TAS1R1: variants seen among roughly 807,000 people sequenced by gnomAD.
The protein encoded by TAS1R1 is taste 1 receptor member 1.
A neutral mutation model predicts 45.8 loss-of-function variants in TAS1R1; 31 were observed. The observed-to-expected ratio is 0.68, with a 90% CI of 0.51 to 0.91. TAS1R1 has a LOEUF of 0.91. Ranked by LOEUF, TAS1R1 falls within the 40% of genes least tolerant of loss-of-function variation. The pLI is 0.00. For synonymous variants in TAS1R1, 437 were observed against 448.4 expected (o/e 0.97, Z 0.32); for missense variants, 1,051 against 1,063.9 (o/e 0.99, Z 0.17).
intron 1 of TAS1R1, among the ~76,000 whole-genome samples, chr1:6,569,648 C>T (rs544568010): frequency 1.4e-4 from 22 of 152,138 alleles, no homozygotes; most frequent in Admixed American, 6.5e-4. Flanking sequence ...GAGAGACTGC[C>T]GGTCAACAAG....
intron 1 of TAS1R1, among the ~76,000 whole-genome samples, chr1:6,562,565 A>G (rs558461504): frequency 6.6e-5 from 10 of 151,926 alleles, no homozygotes; most frequent in Middle Eastern, 3.4e-3. Flanking sequence ...CTCTCCCAAC[A>G]CTCAGCTTTT....
chr1:6,565,031 T>C (rs1339686105), intron 1 of TAS1R1, among the ~76,000 whole-genome samples: 1 of 151,470 alleles, frequency 6.6e-6, no homozygotes, highest in East Asian at 1.9e-4. Context: ...AAGGAGTAGG[T>C]ACAGGGGGCA....
At chr1:6,572,711 C>G (rs772172144) in intron 2 of TAS1R1, among the ~76,000 whole-genome samples, 1 of 152,042 alleles carries the variant, frequency 6.6e-6, no homozygotes, top group Non-Finnish European at 1.5e-5. Flanking sequence ...GAGCAGGCTT[C>G]GCCCTCCTCT....
chr1:6,575,176 C>T lies in TAS1R1; in HGVS notation c.1044C>T (p.Ala348=), dbSNP rs766039673. The part of the protein sequence containing the change: ...EEAYARADKK[A]PRPCHKGSWC... ...CCTATGCCCGGGCAGACAAGAAGGCCCCTAGGCCTTGCCACAAGGGCTCCT... is the reference window on the plus strand; with the variant it reads ...CCTATGCCCGGGCAGACAAGAAGGCTCCTAGGCCTTGCCACAAGGGCTCCT... Residue 348 remains alanine, a synonymous_variant, in exon 3 of 6, where the codon GCC becomes GCT. Transcript: ENST00000333172. 1.1e-5 allele frequency: 17 copies of T among 1,607,258 alleles called. No individual in the cohort carries two copies. Among genetic ancestry groups the T allele is most frequent in the Non-Finnish European group, 1.4e-5 (16 of 1,176,754 alleles).
chr1:6,574,835 CAG>C lies in TAS1R1; in HGVS notation c.704_705del (p.Gln235ArgfsTer19), dbSNP rs769157388. On this transcript the variant is annotated frameshift_variant, in exon 3 of 6. Transcript: ENST00000333172. LOFTEE classifies it high-confidence loss of function. This position sits in a 1 kb window ranked among gnomAD's most constrained non-coding sequence, Gnocchi z 4.3. ...GGCACTGGAGAACCAGGCCACTGGTCAGGGGATCTGCATTGCTTTCAAGGACA... is the reference window on the plus strand; with the variant it reads ...GGCACTGGAGAACCAGGCCACTGGTCGGGATCTGCATTGCTTTCAAGGACA... ...VQALENQATG[Q>X]GICIAFKDIM... 131 of 1,614,124 alleles carry C rather than the reference CAG, an allele frequency of 8.1e-5. No homozygotes were observed. The highest frequency in any genetic ancestry group is 1.0e-4 in the Non-Finnish European group (119 of 1,180,054).
At chr1:6,570,813 G>A (rs1485914857) in intron 1 of TAS1R1, 96 bp from the exon 2 acceptor site, 1 of 1,179,482 alleles carries the variant, frequency 8.5e-7, no homozygotes, top group East Asian at 2.4e-5. Context: ...TGACCTCAAA[G>A]GTTCCCTTTG....
intron 1 of TAS1R1, among the ~76,000 whole-genome samples, chr1:6,563,727 G>A (rs533523996): frequency 2.0e-5 from 3 of 152,216 alleles, no homozygotes; most frequent in Admixed American, 6.5e-5. Context: ...GTGTGGCTAC[G>A]TGGGGCAGCC....
At chr1:6,559,059 T>C (rs968468988) in intron 1 of TAS1R1, among the ~76,000 whole-genome samples, 1 of 152,010 alleles carries the variant, frequency 6.6e-6, no homozygotes, top group African/African-American at 2.4e-5. Flanking sequence ...GCCCAGCTAA[T>C]TCTTTGTATT....
chr1:6,576,792 G>A (rs887448778), intron 4 of TAS1R1, among the ~76,000 whole-genome samples, 158 bp from the exon 5 acceptor site: 2 of 152,260 alleles, frequency 1.3e-5, no homozygotes, highest in African/African-American at 2.4e-5. Context: ...CTCCGTAGGC[G>A]AGTGTGCAGA....
chr1:6,565,859 C>A (rs1392974856), intron 1 of TAS1R1, among the ~76,000 whole-genome samples: 1 of 152,062 alleles, frequency 6.6e-6, no homozygotes, highest in Non-Finnish European at 1.5e-5. Context: ...TCTGAAGAAG[C>A]CTGCATTCCT....
In TAS1R1 at chr1:6,555,493, G is replaced by C; in HGVS notation, c.120G>C (p.Leu40=). The C allele has an allele frequency of 6.4e-7, 1 of 1,573,916 alleles. No individual in the cohort carries two copies. The highest frequency in any genetic ancestry group is 8.6e-7 in the Non-Finnish European group (1 of 1,159,294). The part of the protein sequence containing the change: ...PDFTLPGDYL[L]AGLFPLHSGC... ...TCACCCTCCCCGGAGATTACCTCCT[G>C]GCAGGCCTGTTCCCTCTCCATTCTG... The change falls in exon 1 of 6, where the codon CTG becomes CTC. Residue 40 remains leucine, a synonymous_variant. Transcript: ENST00000333172.
intron 1 of TAS1R1, among the ~76,000 whole-genome samples, chr1:6,561,372 G>T (rs1410878184): frequency 5.3e-5 from 8 of 152,280 alleles, no homozygotes; most frequent in African/African-American, 1.9e-4. Context: ...TTTCGGCAGT[G>T]AGGAGATCTA....
intron 1 of TAS1R1, among the ~76,000 whole-genome samples, chr1:6,567,550 A>C (rs1315927534): frequency 7.9e-6 from 1 of 126,172 alleles, no homozygotes; most frequent in Non-Finnish European, 1.7e-5. Context: ...ACAGAGTGAG[A>C]CTCCGTCTCA....
chr1:6,561,865 G>A (rs1353592453), intron 1 of TAS1R1, among the ~76,000 whole-genome samples: 1 of 152,208 alleles, frequency 6.6e-6, no homozygotes, highest in Non-Finnish European at 1.5e-5. Flanking sequence ...CAGGCCGTGG[G>A]GGCTACGAGG....
At chr1:6,573,333 T>C (rs886762688) in intron 2 of TAS1R1, among the ~76,000 whole-genome samples, 1 of 152,142 alleles carries the variant, frequency 6.6e-6, no homozygotes, top group African/African-American at 2.4e-5. Context: ...GGCAGGCACC[T>C]GTAATCCCAG....
chr1:6,578,683 A>G lies in TAS1R1; in HGVS notation c.1625A>G (p.Glu542Gly), dbSNP rs769169636. 2.5e-6 allele frequency: 4 copies of G among 1,593,654 alleles called. No homozygotes were observed. In the African/African-American group the frequency reaches 5.4e-5, roughly 21 times the overall value. The change falls in exon 6 of 6, where the codon GAA becomes GGA. Residue 542 changes from glutamate (E) to glycine (G), a missense_variant. Physicochemically the swap from Glu to Gly is moderately conservative, Grantham distance 98 (BLOSUM62 -2). Coordinates refer to ENST00000333172, the MANE Select transcript of TAS1R1 (RefSeq NM_138697.4). The part of the protein sequence containing the change: ...DLYRCQPCGK[E>G]EWAPEGSQTC... ...TACAGATGCCAGCCTTGTGGGAAAG[A>G]AGAGTGGGCACCTGAGGGAAGCCAG...
rs563375034 is a variant in TAS1R1, at chr1:6,579,503, C to T, written c.2445C>T (p.Ile815=). The T allele has an allele frequency of 1.2e-6, 2 of 1,613,896 alleles. No individual in the cohort carries two copies. The highest frequency in any genetic ancestry group is 1.3e-5 in the African/African-American group (1 of 75,052). ...ATTTTCTGCCTAAGTGCTACGTGAT[C>T]CTCTGCCGCCCAGACCTCAACAGCA... The part of the protein sequence containing the change: ...GGYFLPKCYV[I]LCRPDLNSTE... Residue 815 remains isoleucine, a synonymous_variant, in exon 6 of 6, where the codon ATC becomes ATT. Coordinates refer to ENST00000333172, the MANE Select transcript of TAS1R1 (RefSeq NM_138697.4).
rs371810775 is a variant in TAS1R1 at position 6,575,188 on chromosome 1, C to T, written c.1056C>T (p.Cys352=). The change falls in exon 3 of 6, where the codon TGC becomes TGT. Residue 352 remains cysteine (C), a synonymous_variant. Transcript: ENST00000333172. ...CAGACAAGAAGGCCCCTAGGCCTTG[C>T]CACAAGGGCTCCTGGTGCAGCAGCA... ...ARADKKAPRP[C]HKGSWCSSNQ... 3.7e-6 allele frequency: 6 copies of T among 1,609,428 alleles called. No homozygotes were observed. The highest frequency in any genetic ancestry group is 4.2e-6 in the Non-Finnish European group (5 of 1,177,792).
intron 3 of TAS1R1, among the ~76,000 whole-genome samples, chr1:6,575,985 C>T (rs1640162702): frequency 6.6e-6 from 1 of 152,004 alleles, no homozygotes; most frequent in Non-Finnish European, 1.5e-5. Flanking sequence ...TGAGCCACCG[C>T]ACCCGGCCTA....
Sources: allele counts gnomAD v4.1 joint callset (sites outside exome capture counted in the v4.1 genomes callset), GRCh38; gene constraint gnomAD v4.1.1; non-coding constraint Gnocchi (gnomAD v3.1); transcripts MANE v1.5; gene names NCBI Gene and HGNC (gene_info 2026-07-23, HGNC 2026-07-21).